Variants in PIK3R6 observed in about 807,000 individuals in gnomAD.
PIK3R6 encodes the protein phosphoinositide 3-kinase regulatory subunit 6.
Under a neutral mutation model 84.9 loss-of-function variants are expected in PIK3R6, and 91 were observed. The observed-to-expected ratio is 1.07, with a 90% CI of 0.90 to 1.28. The LOEUF (loss-of-function observed/expected upper bound fraction) is 1.28. PIK3R6 is among the 50% of genes most tolerant of loss of function. The probability of loss-of-function intolerance (pLI) is 0.00; values close to 1 mark genes in which losing one functional copy is unlikely to be tolerated. For synonymous variants in PIK3R6, 416 were observed against 411.4 expected (o/e 1.01, Z -0.13); for missense variants, 996 against 985.1 (o/e 1.01, Z -0.15).
chr17:8,805,384 C>T (rs1470951185), intron 18 of PIK3R6, among the ~76,000 whole-genome samples: 1 of 152,060 alleles, frequency 6.6e-6, no homozygotes, highest in Admixed American at 6.5e-5. Context: ...ATGGACTCAG[C>T]AATGAAGTCC....
intron 5 of PIK3R6, 93 bp from the exon 6 acceptor site, chr17:8,837,016 A>G (rs1277389951): frequency 3.2e-5 from 30 of 944,860 alleles, no homozygotes; most frequent in South Asian, 1.5e-5. Context: ...GTTTCCGGGG[A>G]GGGGCTTGGG....
intron 18 of PIK3R6, among the ~76,000 whole-genome samples, chr17:8,818,338 A>G (rs1271548213): frequency 6.6e-6 from 1 of 152,110 alleles, no homozygotes; most frequent in African/African-American, 2.4e-5. Flanking sequence ...GAGGAAATGG[A>G]TAGTCTTATG....
chr17:8,850,636 C>T (rs371862718), intron 1 of PIK3R6, among the ~76,000 whole-genome samples: 3 of 152,146 alleles, frequency 2.0e-5, no homozygotes, highest in African/African-American at 7.2e-5. Context: ...CTCCCCAGAG[C>T]GATAAACCCA....
intron 7 of PIK3R6, 48 bp from the exon 8 acceptor site, chr17:8,835,504 G>A (rs2088426574): frequency 6.8e-7 from 1 of 1,468,992 alleles, no homozygotes. Flanking sequence ...GTAACTAATG[G>A]GAGAGGGGCC....
At chr17:8,818,196 A>C (rs1174522526) in intron 18 of PIK3R6, among the ~76,000 whole-genome samples, 2 of 152,336 alleles carry the variant, frequency 1.3e-5, no homozygotes, top group Admixed American at 6.5e-5. Context: ...GGCTTGACCT[A>C]AATCGGTGCG....
chr17:8,858,887 C>T (rs1027898050), intron 1 of PIK3R6, among the ~76,000 whole-genome samples: 1 of 152,130 alleles, frequency 6.6e-6, no homozygotes, highest in Non-Finnish European at 1.5e-5. Context: ...TTCATCCATC[C>T]AAAGAGGAAC....
intron 9 of PIK3R6, among the ~76,000 whole-genome samples, chr17:8,831,145 CAAAAAAAAAAA>C (rs35954175): frequency 2.4e-5 from 1 of 42,012 alleles, no homozygotes; most frequent in African/African-American, 1.1e-4. Context: ...GATTGTGTCT[CAAAAAAAAAAA>C]AAAAAAAAAA....
At chr17:8,806,043 C>G (rs2087196771) in intron 18 of PIK3R6, among the ~76,000 whole-genome samples, 1 of 152,070 alleles carries the variant, frequency 6.6e-6, no homozygotes, top group Admixed American at 6.5e-5. Flanking sequence ...GACTGGACAG[C>G]TAATGGAATG....
chr17:8,851,207 C>A (rs9907089), intron 1 of PIK3R6, among the ~76,000 whole-genome samples: 1 of 151,158 alleles, frequency 6.6e-6, no homozygotes, highest in East Asian at 1.9e-4. Flanking sequence ...AACAAAAAAA[C>A]AAAAAACCGG....
chr17:8,857,351 AAGGAT>A, intron 1 of PIK3R6, among the ~76,000 whole-genome samples: 1 of 152,312 alleles, frequency 6.6e-6, no homozygotes, highest in African/African-American at 2.4e-5. Context: ...CGTGGCCATG[AAGGAT>A]AGAACCAGGG....
intron 13 of PIK3R6, among the ~76,000 whole-genome samples, 167 bp from the exon 14 acceptor site, chr17:8,823,664 A>G (rs762614668): frequency 6.6e-5 from 10 of 152,118 alleles, no homozygotes; most frequent in Non-Finnish European, 1.3e-4. Flanking sequence ...TCCACTCCCA[A>G]TCAAAATATT....
At chr17:8,837,140 GC>G (rs2088500996) in intron 5 of PIK3R6, among the ~76,000 whole-genome samples, 1 of 152,086 alleles carries the variant, frequency 6.6e-6, no homozygotes, top group South Asian at 2.1e-4. Context: ...TTGTCGCCCC[GC>G]CCCAACTTAC....
chr17:8,823,175 C>A, intron 14 of PIK3R6, 89 bp from the exon 15 acceptor site: 1 of 1,051,338 alleles, frequency 9.5e-7, no homozygotes, highest in South Asian at 1.4e-5. Context: ...CCATGGAGAA[C>A]CCTTCCACAT....
intron 13 of PIK3R6, among the ~76,000 whole-genome samples, chr17:8,826,334 T>C (rs1156995235): frequency 6.6e-6 from 1 of 152,178 alleles, no homozygotes; most frequent in Non-Finnish European, 1.5e-5. Context: ...ACACGTATGT[T>C]TATTGTGGCA....
In PIK3R6 at chr17:8,803,859, T is replaced by C. The variant is rs2087117750; in HGVS notation, c.2108+182A>G. On this transcript the variant is annotated intron_variant, in intron 19 of 19. Coordinates refer to ENST00000619866, the MANE Select transcript of PIK3R6 (RefSeq NM_001010855.4). This position sits in a 1 kb window ranked among gnomAD's most constrained non-coding sequence, Gnocchi z 5.0. ...GGGTATGCCATTCATTTGCCTCGAC[T>C]TCCTGGATCCAAAGCATAGGGCAGT... 1 of 613,736 alleles carries C rather than the reference T, an allele frequency of 1.6e-6. No individual in the cohort carries two copies. The highest frequency in any genetic ancestry group is 2.9e-6 in the Non-Finnish European group (1 of 345,122). 38.0% of individuals were successfully genotyped at this position (613,736 alleles called of 1,614,324 possible). A position where few individuals can be genotyped will look rare whatever the true frequency, so the allele number is the denominator to read the frequency against.
At position 8,803,359 on chromosome 17, in the gene PIK3R6, G is replaced by A; in HGVS notation, c.2179C>T (p.His727Tyr). 1.2e-6 allele frequency: 2 copies of A among 1,613,666 alleles called. No homozygotes were observed. The highest frequency in any genetic ancestry group is 1.7e-4 in the Middle Eastern group (1 of 5,906). Residue 727 changes from histidine (H) to tyrosine (Y), a missense_variant, in exon 20 of 20, where the codon CAT becomes TAT. Transcript: ENST00000619866. This position sits in a 1 kb window ranked among gnomAD's most constrained non-coding sequence, Gnocchi z 5.0. Reference sequence around the variant, plus strand: ...ATTGCTTCCACCTCCTGTTGCCCATGCAAATTGAGCCACGGTGCCTTGGAC... The same window carrying A: ...ATTGCTTCCACCTCCTGTTGCCCATACAAATTGAGCCACGGTGCCTTGGAC... Reference protein sequence around the residue: ...QKSKAPWLNLHGQQEVEAIKA... With the variant: ...QKSKAPWLNLYGQQEVEAIKA...
chr17:8,851,406 G>A (rs2088962356), intron 1 of PIK3R6, among the ~76,000 whole-genome samples: 1 of 140,808 alleles, frequency 7.1e-6, no homozygotes, highest in Admixed American at 6.9e-5. Context: ...TGGGGCAGGA[G>A]AATGGCGTGA....
chr17:8,844,712 T>C lies in PIK3R6; in HGVS notation c.14-5015A>G, dbSNP rs1373766884. ...TTGCTTGATGCTGAGGTTTGTAGTA[T>C]GGATGATCACATCACCTAGGTACTA... On this transcript the variant is annotated intron_variant, in intron 2 of 19. Transcript: ENST00000619866. The surrounding 1 kb of genome is among the most constrained non-coding windows in gnomAD (Gnocchi z 4.5). Among the ~76,000 whole-genome samples, 1 of 152,126 alleles carries C rather than the reference T, an allele frequency of 6.6e-6. No homozygotes were observed. The highest frequency in any genetic ancestry group is 1.9e-4 in the East Asian group (1 of 5,202).
At chr17:8,829,515 C>CATAT (rs568988786) in intron 10 of PIK3R6, among the ~76,000 whole-genome samples, 191 bp downstream of exon 10, 1 of 119,566 alleles carries the variant, frequency 8.4e-6, no homozygotes. Context: ...CACACTCATG[C>CATAT]ATACACACAC....
Sources: gnomAD v4.1 joint callset for allele counts (sites outside exome capture counted in the v4.1 genomes callset) on GRCh38, gnomAD v4.1.1 for gene constraint, Gnocchi (gnomAD v3.1) non-coding constraint, MANE v1.5 for transcripts, NCBI Gene and HGNC (gene_info 2026-07-23, HGNC 2026-07-21) for gene names.